CCDC180: variants seen among roughly 807,000 people sequenced by gnomAD.
CCDC180 encodes the protein coiled-coil domain containing 180, also known as coiled-coil domain-containing protein 180.
In CCDC180, 154 loss-of-function variants were observed where a neutral mutation model predicts 209.2. That is an observed-to-expected ratio of 0.74 (90% CI 0.65 to 0.84). CCDC180 has a LOEUF of 0.84. Ranked by LOEUF, CCDC180 falls within the 40% of genes least tolerant of loss-of-function variation. CCDC180 has a pLI of 0.00. For missense variants in CCDC180, 1,874 were observed against 1,997.3 expected, an observed-to-expected ratio of 0.94 and a Z score of 1.18; for synonymous variants, 778 against 749.1, an observed-to-expected ratio of 1.04 and a Z score of -0.63.
intron 35 of CCDC180, among the ~76,000 whole-genome samples, chr9:97,375,002 C>T (rs1827207965): frequency 6.6e-6 from 1 of 152,200 alleles, no homozygotes; most frequent in African/African-American, 2.4e-5. Context: ...AGCTGTCCGT[C>T]ATGTGTGAAG....
At chr9:97,350,142 C>T (rs1826380955) in intron 21 of CCDC180, among the ~76,000 whole-genome samples, 1 of 151,974 alleles carries the variant, frequency 6.6e-6, no homozygotes. Context: ...CCTTTCAGGC[C>T]CAGGTCACCA....
intron 8 of CCDC180, among the ~76,000 whole-genome samples, chr9:97,315,226 G>A (rs890601303): frequency 3.9e-5 from 6 of 152,242 alleles, no homozygotes; most frequent in South Asian, 2.1e-4. Flanking sequence ...CGTCTGGAGC[G>A]CTGATGATGT....
At position 97,314,509 on chromosome 9, in the gene CCDC180, C is replaced by T; in HGVS notation, c.576C>T (p.Asp192=). 3 of 1,614,188 alleles carry T rather than the reference C, an allele frequency of 1.9e-6. No homozygotes were observed. Among genetic ancestry groups the T allele is most frequent in the Non-Finnish European group, 2.5e-6 (3 of 1,180,034 alleles). The part of the protein sequence containing the change: ...LKVENDTNLE[D]YTIQALLELW... ...TGGAAAATGACACCAACCTTGAGGA[C>T]TACACCATCCAAGTAGGGGTCCCTT... The change falls in exon 6 of 37, where the codon GAC becomes GAT. Residue 192 remains aspartate (D), a synonymous_variant. Transcript: ENST00000529487.
chr9:97,362,177 C>G lies in CCDC180; in HGVS notation c.3657-19C>G. 1 of 1,605,760 alleles carries G rather than the reference C, an allele frequency of 6.2e-7. No individual in the cohort carries two copies. Among genetic ancestry groups the G allele is most frequent in the Non-Finnish European group, 8.5e-7 (1 of 1,174,390 alleles). Reference sequence around the variant, plus strand: ...CATGGTCACCGGAGAAGAGCTCACACCCTTTCCTTTGGTTTCAGACTTCCC... The same window carrying G: ...CATGGTCACCGGAGAAGAGCTCACAGCCTTTCCTTTGGTTTCAGACTTCCC... On this transcript the variant is annotated intron_variant, in intron 27 of 36. Transcript: ENST00000529487.
At chr9:97,311,175 A>AATT (rs1832976459) in intron 3 of CCDC180, among the ~76,000 whole-genome samples, 1 of 152,184 alleles carries the variant, frequency 6.6e-6, no homozygotes, top group Non-Finnish European at 1.5e-5. Context: ...CACCACTGGT[A>AATT]TAAACCAAGC....
At chr9:97,311,441 G>T (rs1416719290) in intron 3 of CCDC180, among the ~76,000 whole-genome samples, 2 of 152,310 alleles carry the variant, frequency 1.3e-5, no homozygotes, top group South Asian at 4.1e-4. Context: ...GAATAGCAGC[G>T]GTTGCTGGGA....
In CCDC180 at chr9:97,314,023, C is replaced by T. The variant is rs143779330; in HGVS notation, c.460-370C>T. ...CAACTAGATGCCAGGTCTGCTTTCA[C>T]CCTTGAGCTCTGTGGCTTTGGTGAA... On this transcript the variant is annotated intron_variant, in intron 5 of 36. Coordinates refer to ENST00000529487, the MANE Select transcript of CCDC180 (RefSeq NM_020893.6). Among the ~76,000 whole-genome samples the T allele has an allele frequency of 3.5e-3, 527 of 152,330 alleles. 7 individuals carry two copies. Among genetic ancestry groups the T allele is most frequent in the African/African-American group, 0.012 (511 of 41,570 alleles).
chr9:97,337,252 G>T (rs1478503228), intron 18 of CCDC180, among the ~76,000 whole-genome samples: 1 of 152,198 alleles, frequency 6.6e-6, no homozygotes, highest in Non-Finnish European at 1.5e-5. Context: ...AGTTTTCAAA[G>T]GGAATGCTTC....
chr9:97,363,952 C>A, intron 28 of CCDC180, 99 bp from the exon 29 acceptor site: 1 of 1,187,192 alleles, frequency 8.4e-7, no homozygotes, highest in Non-Finnish European at 1.2e-6. Flanking sequence ...CACGGGCAGG[C>A]CCAATGCCTC....
rs1833362984 is a variant in CCDC180 at position 97,321,668 on chromosome 9, C to T, written c.1160-1165C>T. 1.3e-5 allele frequency among the ~76,000 whole-genome samples: 2 copies of T among 152,182 alleles called. 1 individual carries two copies. Among genetic ancestry groups the T allele is most frequent in the African/African-American group, 4.8e-5 (2 of 41,438 alleles). ...CTGGCATTCAGTAGCTGGCTCTGCC[C>T]TCCGGCACTTCCAGTCCAGAGCAGA... On this transcript the variant is annotated intron_variant, in intron 11 of 36. Transcript: ENST00000529487.
At position 97,330,661 on chromosome 9, in the gene CCDC180, CAG is replaced by C; in HGVS notation, c.2171_2172del (p.Glu724GlyfsTer4). ...GGTCAAGGAGAAAAGAAGGAGGAGT[CAG>C]AGGAGGAAGATGAGAAGGAGGAAGA... On this transcript the variant is annotated frameshift_variant, in exon 18 of 37. Transcript: ENST00000529487. LOFTEE classifies it high-confidence loss of function. 6.2e-7 allele frequency: 1 copy of C among 1,604,272 alleles called. No homozygotes were observed. The highest frequency in any genetic ancestry group is 8.5e-7 in the Non-Finnish European group (1 of 1,177,764).
Position 97,326,650 on chromosome 9 carries a change from C to T in CCDC180, c.1642C>T (p.Leu548=). The change falls in exon 15 of 37, where the codon CTG becomes TTG. Residue 548 remains leucine (L), a synonymous_variant. Transcript: ENST00000529487. ...TCACCTGGAAAAGGTCAAAGATTAT[C>T]TGAAGAACATGAAATCCAGGTAGGC... ...AFHLEKVKDY[L]KNMKSRYECF... The T allele has an allele frequency of 6.2e-7, 1 of 1,610,442 alleles. No individual in the cohort carries two copies.
intron 18 of CCDC180, among the ~76,000 whole-genome samples, chr9:97,339,866 CT>C (rs1285388578): frequency 6.6e-6 from 1 of 152,090 alleles, no homozygotes; most frequent in Non-Finnish European, 1.5e-5. Context: ...TCTTTTTACT[CT>C]TTTTTCTCTA....
intron 34 of CCDC180, chr9:97,372,322 T>A (rs1405978242): frequency 1.3e-5 from 2 of 152,252 alleles, no homozygotes; most frequent in Non-Finnish European, 2.9e-5. Flanking sequence ...CGTAAAAGAA[T>A]GTCAAGAAAC....
At position 97,315,773 on chromosome 9, in the gene CCDC180, A is replaced by G. The variant is rs144482199; in HGVS notation, c.795+827A>G. 1.2e-4 allele frequency among the ~76,000 whole-genome samples: 19 copies of G among 152,312 alleles called. No homozygotes were observed. In the East Asian group the frequency reaches 3.7e-3, roughly 29 times the overall value. Reference sequence around the variant, plus strand: ...CCAGATAAAGCACAGGCAAGGAGTGAGCACAGGCCTTTTCCACTGCCCAGA... The same window carrying G: ...CCAGATAAAGCACAGGCAAGGAGTGGGCACAGGCCTTTTCCACTGCCCAGA... On this transcript the variant is annotated intron_variant, in intron 8 of 36. Transcript: ENST00000529487.
At chr9:97,341,698 C>G (rs1205407412) in intron 18 of CCDC180, among the ~76,000 whole-genome samples, 1 of 152,180 alleles carries the variant, frequency 6.6e-6, no homozygotes, top group Non-Finnish European at 1.5e-5. Context: ...CTGGGAGAAC[C>G]ACTGCTGTTT....
chr9:97,314,491 T>G lies in CCDC180; in HGVS notation c.558T>G (p.Asn186Lys). 1 of 1,614,090 alleles carries G rather than the reference T, an allele frequency of 6.2e-7. No homozygotes were observed. The highest frequency in any genetic ancestry group is 8.5e-7 in the Non-Finnish European group (1 of 1,180,012). Reference sequence around the variant, plus strand: ...ACCGTCTCTTCCTAAAGGTGGAAAATGACACCAACCTTGAGGACTACACCA... The same window carrying G: ...ACCGTCTCTTCCTAAAGGTGGAAAAGGACACCAACCTTGAGGACTACACCA... ...EMNRLFLKVE[N>K]DTNLEDYTIQ... Residue 186 changes from asparagine to lysine, a missense_variant, in exon 6 of 37, where the codon AAT (asparagine) becomes AAG (lysine). By Grantham distance (94) the Asn-to-Lys change is moderately conservative. Coordinates refer to ENST00000529487, the MANE Select transcript of CCDC180 (RefSeq NM_020893.6).
chr9:97,375,599 G>A lies in CCDC180; in HGVS notation c.4842+10G>A. The A allele has an allele frequency of 6.2e-7, 1 of 1,614,158 alleles. No homozygotes were observed. The highest frequency in any genetic ancestry group is 8.5e-7 in the Non-Finnish European group (1 of 1,180,034). On this transcript the variant is annotated intron_variant, in intron 36 of 36. Transcript: ENST00000529487. ...AGATGCTGTGTACCTGGTGAGACAG[G>A]GTGGAGTGGGCGTGTCCCAGGGAGC...
chr9:97,364,184 G>C lies in CCDC180; in HGVS notation c.3980+56G>C, dbSNP rs992311289. 4.5e-6 allele frequency: 7 copies of C among 1,538,730 alleles called. No individual in the cohort carries two copies. In the African/African-American group the frequency reaches 9.6e-5, roughly 21 times the overall value. On this transcript the variant is annotated intron_variant, in intron 29 of 36. Transcript: ENST00000529487. Reference sequence around the variant, plus strand: ...ATTTAACCTGTTTTGGGTTGCAGGGGCAGCAAATGTGACTCAGCTGAGGGG... The same window carrying C: ...ATTTAACCTGTTTTGGGTTGCAGGGCCAGCAAATGTGACTCAGCTGAGGGG...
Sources: allele counts gnomAD v4.1 joint callset (sites outside exome capture counted in the v4.1 genomes callset), GRCh38; gene constraint gnomAD v4.1.1; transcripts MANE v1.5; gene names NCBI Gene and HGNC (gene_info 2026-07-23, HGNC 2026-07-21).